SORCS3: variants seen among roughly 807,000 people sequenced by gnomAD.
SORCS3 encodes sortilin related VPS10 domain containing receptor 3.
A neutral mutation model predicts 146.3 loss-of-function variants in SORCS3; 57 were observed. That is an observed-to-expected ratio of 0.39 (90% CI 0.31 to 0.49). The LOEUF (loss-of-function observed/expected upper bound fraction) is 0.49, where lower values mean the gene tolerates loss of function less well. Ranked by LOEUF, SORCS3 falls within the 20% of genes least tolerant of loss-of-function variation. The pLI, the probability that SORCS3 is intolerant of heterozygous loss-of-function variation, is 0.92. For synonymous variants in SORCS3, 653 were observed against 618.5 expected, an observed-to-expected ratio of 1.06 and a Z score of -0.83; for missense variants, 1,341 against 1,575.5, an observed-to-expected ratio of 0.85 and a Z score of 2.52.
At chr10:105,009,758 T>C (rs1201580032) in intron 4 of SORCS3, among the ~76,000 whole-genome samples, 1 of 152,116 alleles carries the variant, frequency 6.6e-6, no homozygotes, top group Non-Finnish European at 1.5e-5. Context: ...TTCATTTTTT[T>C]CAATAATTTT....
intron 1 of SORCS3, among the ~76,000 whole-genome samples, chr10:104,835,575 G>A (rs145092875): frequency 8.6e-4 from 131 of 152,294 alleles, no homozygotes; most frequent in African/African-American, 3.0e-3. Flanking sequence ...GCGTCCTAGT[G>A]ATTTATGAAT....
At chr10:104,787,605 G>C (rs2017453385) in intron 1 of SORCS3, among the ~76,000 whole-genome samples, 1 of 152,058 alleles carries the variant, frequency 6.6e-6, no homozygotes, top group Non-Finnish European at 1.5e-5. Flanking sequence ...GGAGCAGGGT[G>C]GGCAAGTGGG....
intron 3 of SORCS3, among the ~76,000 whole-genome samples, chr10:104,974,251 G>T (rs2054880099): frequency 6.6e-6 from 1 of 152,086 alleles, no homozygotes; most frequent in African/African-American, 2.4e-5. Flanking sequence ...GGGTATACTT[G>T]TTAATTTTCT....
intron 3 of SORCS3, among the ~76,000 whole-genome samples, chr10:104,935,422 G>A (rs964115766): frequency 2.0e-5 from 3 of 152,146 alleles, no homozygotes; most frequent in African/African-American, 7.2e-5. Flanking sequence ...CCTCAGCCAA[G>A]GAGATGTTTA....
At position 105,263,363 on chromosome 10, in the gene SORCS3, A is replaced by C; in HGVS notation, c.3658A>C (p.Thr1220Pro). Residue 1220 changes from threonine (T) to proline (P), a missense_variant, in exon 27 of 27, where the codon ACT becomes CCT. Transcript: ENST00000369701. ...AAGCACAAAGGAGATCCCCAACTGCACTAGTGTTTAATACCAGCAAGCCAC... is the reference window on the plus strand; with the variant it reads ...AAGCACAAAGGAGATCCCCAACTGCCCTAGTGTTTAATACCAGCAAGCCAC... The part of the protein sequence containing the change: ...SESTKEIPNC[T>P]SV The C allele has an allele frequency of 6.2e-7, 1 of 1,614,096 alleles. No homozygotes were observed. The highest frequency in any genetic ancestry group is 8.5e-7 in the Non-Finnish European group (1 of 1,179,940).
intron 7 of SORCS3, among the ~76,000 whole-genome samples, chr10:105,138,718 C>T (rs1446731853): frequency 1.3e-5 from 2 of 152,206 alleles, no homozygotes; most frequent in Non-Finnish European, 2.9e-5. Flanking sequence ...TATCCTTTCA[C>T]AAGTGAGGTT....
chr10:104,897,096 C>T (rs2018805869), intron 2 of SORCS3, among the ~76,000 whole-genome samples: 2 of 152,072 alleles, frequency 1.3e-5, no homozygotes. Context: ...ATTTAATGTG[C>T]AAAACTGAGG....
At chr10:104,867,396 G>C (rs1337448131) in intron 2 of SORCS3, among the ~76,000 whole-genome samples, 1 of 150,288 alleles carries the variant, frequency 6.7e-6, no homozygotes, top group Non-Finnish European at 1.5e-5. Flanking sequence ...TGCAAGCTCC[G>C]CCTCCTGGGT....
intron 4 of SORCS3, among the ~76,000 whole-genome samples, chr10:105,000,735 G>T (rs76736709): frequency 0.074 from 11,257 of 152,162 alleles, 1,204 homozygotes; most frequent in African/African-American, 0.24. Context: ...TGCATGCTCA[G>T]ATAGTGGCCA....
chr10:104,701,927 G>T (rs564168323), intron 1 of SORCS3, among the ~76,000 whole-genome samples: 1 of 152,248 alleles, frequency 6.6e-6, no homozygotes, highest in Non-Finnish European at 1.5e-5. Flanking sequence ...GTGAGTTTGT[G>T]TGAGGAGCTG....
At chr10:104,974,452 G>A (rs1166821150) in intron 3 of SORCS3, among the ~76,000 whole-genome samples, 2 of 152,024 alleles carry the variant, frequency 1.3e-5, no homozygotes, top group Non-Finnish European at 2.9e-5. Context: ...TTATGTAATG[G>A]CCTTCTTTGT....
chr10:104,974,436 T>A (rs1338386094), intron 3 of SORCS3, among the ~76,000 whole-genome samples: 1 of 152,190 alleles, frequency 6.6e-6, no homozygotes, highest in Non-Finnish European at 1.5e-5. Context: ...ATTGATCCCT[T>A]TACCATTATG....
chr10:104,762,046 A>G (rs970570334), intron 1 of SORCS3, among the ~76,000 whole-genome samples: 1 of 152,200 alleles, frequency 6.6e-6, no homozygotes, highest in Non-Finnish European at 1.5e-5. Flanking sequence ...CCTTCTCTTA[A>G]GCACGTGCAG....
intron 5 of SORCS3, among the ~76,000 whole-genome samples, chr10:105,067,057 C>T (rs549766338): frequency 7.2e-5 from 11 of 152,236 alleles, no homozygotes; most frequent in Admixed American, 1.3e-4. Flanking sequence ...TTGCTTCATC[C>T]GTTAACTCTC....
chr10:104,704,353 A>G (rs1207270688), intron 1 of SORCS3, among the ~76,000 whole-genome samples: 2 of 151,628 alleles, frequency 1.3e-5, no homozygotes, highest in East Asian at 3.9e-4. Flanking sequence ...GTTTGTTTTA[A>G]TTTTTTAGGG....
intron 2 of SORCS3, among the ~76,000 whole-genome samples, chr10:104,894,733 A>T (rs915415580): frequency 1.3e-5 from 2 of 152,174 alleles, no homozygotes; most frequent in Non-Finnish European, 2.9e-5. Context: ...TGGACCAGGA[A>T]GAGTTGTAGG....
chr10:105,163,866 A>G (rs990039723), intron 11 of SORCS3, among the ~76,000 whole-genome samples: 1 of 144,778 alleles, frequency 6.9e-6, no homozygotes, highest in Non-Finnish European at 1.5e-5. Flanking sequence ...ATACACACAG[A>G]CACACAGTTA....
intron 1 of SORCS3, among the ~76,000 whole-genome samples, chr10:104,774,427 G>A (rs943542488): frequency 2.6e-5 from 4 of 152,108 alleles, no homozygotes; most frequent in Non-Finnish European, 5.9e-5. Flanking sequence ...CCATTTCCCC[G>A]GGGGAAAGGG....
chr10:104,945,371 C>T (rs566552593), intron 3 of SORCS3, among the ~76,000 whole-genome samples: 6 of 152,154 alleles, frequency 3.9e-5, no homozygotes, highest in Admixed American at 3.9e-4. Context: ...GATTCTCCTG[C>T]CTCAGCCTCC....
Sources: allele counts gnomAD v4.1 joint callset (sites outside exome capture counted in the v4.1 genomes callset), GRCh38; gene constraint gnomAD v4.1.1; transcripts MANE v1.5; gene names NCBI Gene and HGNC (gene_info 2026-07-23, HGNC 2026-07-21).